Variants in GALK2 observed in about 807,000 individuals in gnomAD.
GALK2 encodes galactokinase 2, also known as N-acetylgalactosamine kinase.
A neutral mutation model predicts 52.4 loss-of-function variants in GALK2; 36 were observed. The observed-to-expected ratio is 0.69, with a 90% confidence interval of 0.53 to 0.91. The LOEUF is 0.91. Among genes scored for constraint, GALK2 ranks in the 40% least tolerant of loss-of-function variants. The pLI, the probability that GALK2 is intolerant of heterozygous loss-of-function variation, is 0.00. For missense variants in GALK2, 579 were observed against 559.1 expected (o/e 1.04, Z -0.36); for synonymous variants, 176 against 199.1 (o/e 0.88, Z 0.98).
intron 7 of GALK2, among the ~76,000 whole-genome samples, chr15:49,287,190 T>C (rs2033462889): frequency 6.6e-6 from 1 of 152,222 alleles, no homozygotes; most frequent in African/African-American, 2.4e-5. Flanking sequence ...TAACCCCATA[T>C]GCATTTTAGA....
chr15:49,208,696 A>G (rs2088536077), intron 2 of GALK2, among the ~76,000 whole-genome samples: 1 of 152,092 alleles, frequency 6.6e-6, no homozygotes, highest in South Asian at 2.1e-4. Flanking sequence ...GGTTCAATCC[A>G]TTGTTTCTTT....
chr15:49,211,671 C>G (rs1443752378), intron 2 of GALK2, among the ~76,000 whole-genome samples: 2 of 152,152 alleles, frequency 1.3e-5, no homozygotes, highest in Admixed American at 1.3e-4. Context: ...AGGAAACTTA[C>G]AAGCATGGTG....
chr15:49,175,421 A>G (rs139635571), intron 1 of GALK2, among the ~76,000 whole-genome samples: 2 of 152,276 alleles, frequency 1.3e-5, no homozygotes, highest in African/African-American at 4.8e-5. Context: ...GAATTTAGGA[A>G]GTTGTTACAC....
chr15:49,257,846 T>A (rs1225789197), intron 5 of GALK2, among the ~76,000 whole-genome samples: 1 of 151,458 alleles, frequency 6.6e-6, no homozygotes, highest in Non-Finnish European at 1.5e-5. Flanking sequence ...TCCTTAAAAT[T>A]TTTTTAACTG....
rs139601309 is a variant in GALK2, at chr15:49,258,371, G to A, written c.504+19004G>A. Among the ~76,000 whole-genome samples, 3 of 152,160 alleles carry A rather than the reference G, an allele frequency of 2.0e-5. No individual in the cohort carries two copies. The East Asian group carries it at 5.8e-4, about 29-fold the overall frequency. On this transcript the variant is annotated intron_variant, in intron 5 of 9. Coordinates refer to ENST00000560031, the MANE Select transcript of GALK2 (RefSeq NM_002044.4). ...ATTTTAAGGAAGTAAGGGAAGTTCT[G>A]TCTGATGAGGTAACGTTTGAGCAGA...
At chr15:49,236,086 G>C (rs2090786331) in intron 4 of GALK2, 145 bp downstream of exon 4, 1 of 627,130 alleles carries the variant, frequency 1.6e-6, no homozygotes, top group Non-Finnish European at 2.8e-6. Flanking sequence ...GTTTCAGAGA[G>C]TGGGGAAGAT....
intron 3 of GALK2, 65 bp from the exon 4 acceptor site, chr15:49,235,786 C>T: frequency 1.0e-6 from 1 of 998,526 alleles, no homozygotes; most frequent in Non-Finnish European, 1.6e-6. Flanking sequence ...TGGCAGCAGT[C>T]ATCCATTGAT....
chr15:49,285,369 C>T (rs932954067), intron 7 of GALK2, among the ~76,000 whole-genome samples: 1 of 152,152 alleles, frequency 6.6e-6, no homozygotes, highest in Admixed American at 6.5e-5. Flanking sequence ...TCCACCGACC[C>T]ACCCTGGGCA....
At chr15:49,274,917 G>C (rs2031404261) in intron 5 of GALK2, among the ~76,000 whole-genome samples, 1 of 151,996 alleles carries the variant, frequency 6.6e-6, no homozygotes, top group Non-Finnish European at 1.5e-5. Flanking sequence ...TGATAACAGT[G>C]CCTTCTTCTG....
chr15:49,308,236 T>G (rs1216233985), intron 8 of GALK2, among the ~76,000 whole-genome samples: 3 of 152,216 alleles, frequency 2.0e-5, no homozygotes, highest in East Asian at 1.9e-4. Flanking sequence ...CTCATCCATC[T>G]CTGGATTGCT....
chr15:49,230,573 T>C (rs77459601), intron 3 of GALK2, among the ~76,000 whole-genome samples: 2,613 of 152,320 alleles, frequency 0.017, 94 homozygotes, highest in African/African-American at 0.06. Flanking sequence ...AGGAGGCAAG[T>C]ACCAGATGCC....
chr15:49,158,001 A>ATT (rs199879992), intron 1 of GALK2, among the ~76,000 whole-genome samples: 2 of 150,426 alleles, frequency 1.3e-5, no homozygotes, highest in South Asian at 2.1e-4. Context: ...GGAATAATGA[A>ATT]TTTTTTTTTT....
intron 7 of GALK2, among the ~76,000 whole-genome samples, chr15:49,286,459 C>T (rs1040395027): frequency 2.6e-5 from 4 of 152,188 alleles, no homozygotes; most frequent in Non-Finnish European, 5.9e-5. Context: ...CACTTCTCCT[C>T]TTACTTCTAT....
intron 3 of GALK2, among the ~76,000 whole-genome samples, chr15:49,223,861 T>A (rs752526245): frequency 7.9e-5 from 12 of 152,220 alleles, no homozygotes; most frequent in Non-Finnish European, 1.3e-4. Flanking sequence ...TGAGTGCATG[T>A]GTCTTTTTTT....
In GALK2 at chr15:49,278,290, T is replaced by C. The variant is rs552014527; in HGVS notation, c.505-3697T>C. Among the ~76,000 whole-genome samples, 11 of 152,218 alleles carry C rather than the reference T, an allele frequency of 7.2e-5. No homozygotes were observed. The East Asian group carries it at 2.1e-3, about 29-fold the overall frequency. Reference sequence around the variant, plus strand: ...AAACAAAAACAAAAATAAAACACAATTGGACATATATTTTCCTGTTTGCCT... The same window carrying C: ...AAACAAAAACAAAAATAAAACACAACTGGACATATATTTTCCTGTTTGCCT... On this transcript the variant is annotated intron_variant, in intron 5 of 9. Coordinates refer to ENST00000560031, the MANE Select transcript of GALK2 (RefSeq NM_002044.4).
intron 3 of GALK2, among the ~76,000 whole-genome samples, chr15:49,343,020 T>C (rs577521804): frequency 6.6e-6 from 1 of 152,266 alleles, no homozygotes; most frequent in South Asian, 2.1e-4. Flanking sequence ...TTGTATAGTA[T>C]CTCACAGGTG....
chr15:49,365,886 TG>T (rs2045086783), intron 3 of GALK2: 1 of 963,824 alleles, frequency 1.0e-6, no homozygotes, highest in African/African-American at 1.6e-5. Context: ...TATGAATTAG[TG>T]CAGCAAGAGA....
At position 49,197,930 on chromosome 15, in the gene GALK2, G is replaced by GT. The variant is rs1007012613; in HGVS notation, c.54-3223dup. The stretch of plus-strand genomic sequence containing the variant: ...TTAACTTCTACTATCTGCTTTGTCA[G>GT]TTTTTTTTTCCCAGTGGTGGCTGTT... On this transcript the variant is annotated intron_variant, in intron 1 of 9. Coordinates refer to ENST00000560031, the MANE Select transcript of GALK2 (RefSeq NM_002044.4). Among the ~76,000 whole-genome samples, 94 of 151,260 alleles carry GT rather than the reference G, an allele frequency of 6.2e-4. 1 individual carries two copies. Among genetic ancestry groups the GT allele is most frequent in the African/African-American group, 1.9e-3 (78 of 41,296 alleles).
At chr15:49,206,514 G>A (rs566032901) in intron 2 of GALK2, among the ~76,000 whole-genome samples, 11 of 151,898 alleles carry the variant, frequency 7.2e-5, no homozygotes, top group African/African-American at 1.9e-4. Flanking sequence ...GCAGTGTTTC[G>A]TAGTTTTCCT....
Sources: allele counts gnomAD v4.1 joint callset (sites outside exome capture counted in the v4.1 genomes callset), GRCh38; gene constraint gnomAD v4.1.1; transcripts MANE v1.5; gene names NCBI Gene and HGNC (gene_info 2026-07-23, HGNC 2026-07-21).